Variants in RIT2 observed in about 807,000 individuals in gnomAD.
The protein encoded by RIT2 is Ras like without CAAX 2.
Under a neutral mutation model 23.7 loss-of-function variants are expected in RIT2, and 24 were observed. The ratio of observed to expected loss-of-function variants is 1.01; its 90% CI spans 0.73 to 1.43. The LOEUF is 1.43. Ranked by LOEUF, RIT2 falls within the 40% of genes most tolerant of loss-of-function variation. The pLI, the probability that RIT2 is intolerant of heterozygous loss-of-function variation, is 0.00. For missense variants in RIT2, 236 were observed against 266.9 expected, an observed-to-expected ratio of 0.88 and a Z score of 0.81; for synonymous variants, 107 against 91.1, an observed-to-expected ratio of 1.17 and a Z score of -0.99.
chr18:43,111,689 A>G (rs1019182580), intron 1 of RIT2, among the ~76,000 whole-genome samples: 2 of 152,150 alleles, frequency 1.3e-5, no homozygotes, highest in Non-Finnish European at 2.9e-5. Flanking sequence ...TTAGATCTCT[A>G]TACTTGTTCC....
chr18:43,033,642 G>A (rs1266308175), intron 2 of RIT2, among the ~76,000 whole-genome samples, 169 bp downstream of exon 2: 1 of 152,086 alleles, frequency 6.6e-6, no homozygotes, highest in African/African-American at 2.4e-5. Flanking sequence ...GACAAATACT[G>A]TCTCTTGAAG....
At chr18:42,816,140 C>CA (rs397858218) in intron 4 of RIT2, among the ~76,000 whole-genome samples, 6,562 of 133,726 alleles carry the variant, frequency 0.049, 204 homozygotes, top group Non-Finnish European at 0.064. Flanking sequence ...GATCTCCAAG[C>CA]AAAAAAAAAA....
chr18:42,895,482 T>C (rs1383545818), intron 4 of RIT2, among the ~76,000 whole-genome samples: 2 of 152,216 alleles, frequency 1.3e-5, no homozygotes, highest in East Asian at 3.9e-4. Context: ...TACTTCCTGT[T>C]CTATCGATCT....
chr18:42,877,611 T>C (rs967564980), intron 4 of RIT2, among the ~76,000 whole-genome samples: 4 of 151,130 alleles, frequency 2.6e-5, no homozygotes, highest in African/African-American at 9.7e-5. Flanking sequence ...CACACACATA[T>C]GCATAGATAA....
At chr18:42,752,936 A>G (rs1261859254) in intron 4 of RIT2, among the ~76,000 whole-genome samples, 4 of 152,216 alleles carry the variant, frequency 2.6e-5, no homozygotes, top group Non-Finnish European at 5.9e-5. Flanking sequence ...AATGTTTCAT[A>G]CAAGTAATAG....
At chr18:42,976,777 G>A (rs1044014821) in intron 2 of RIT2, among the ~76,000 whole-genome samples, 1 of 152,034 alleles carries the variant, frequency 6.6e-6, no homozygotes, top group Admixed American at 6.6e-5. Flanking sequence ...GCTGAAATGT[G>A]GTGAGTGAAT....
chr18:43,115,021 G>T (rs1914035533), intron 1 of RIT2, among the ~76,000 whole-genome samples: 1 of 152,130 alleles, frequency 6.6e-6, no homozygotes, highest in Non-Finnish European at 1.5e-5. Flanking sequence ...GTCTGTGTTT[G>T]TAACTGTGTT....
chr18:43,035,473 T>C (rs924612231), intron 1 of RIT2, among the ~76,000 whole-genome samples: 2 of 152,190 alleles, frequency 1.3e-5, no homozygotes, highest in African/African-American at 2.4e-5. Flanking sequence ...TGACTGAAGT[T>C]AGTTCCTGAA....
chr18:42,989,265 C>G (rs1348129775), intron 2 of RIT2, among the ~76,000 whole-genome samples: 1 of 152,124 alleles, frequency 6.6e-6, no homozygotes, highest in Non-Finnish European at 1.5e-5. Context: ...TACAAATCTC[C>G]TGAGGATCTG....
At chr18:42,920,687 C>T in intron 4 of RIT2, 2 of 1,569,346 alleles carry the variant, frequency 1.3e-6, no homozygotes, top group Non-Finnish European at 1.7e-6. Context: ...ATACAGGCAC[C>T]TATTCTTACC....
intron 4 of RIT2, among the ~76,000 whole-genome samples, chr18:42,831,616 G>A (rs146732558): frequency 6.6e-6 from 1 of 152,078 alleles, no homozygotes; most frequent in African/African-American, 2.4e-5. Flanking sequence ...GAAATGTGAC[G>A]GAGGGTCTAG....
chr18:43,047,343 A>G (rs564508903), intron 1 of RIT2, among the ~76,000 whole-genome samples: 2 of 152,064 alleles, frequency 1.3e-5, no homozygotes, highest in Admixed American at 6.6e-5. Flanking sequence ...CCACTTCACC[A>G]TTATCTTACC....
At chr18:42,916,227 T>C (rs1908906359) in intron 4 of RIT2, among the ~76,000 whole-genome samples, 1 of 152,122 alleles carries the variant, frequency 6.6e-6, no homozygotes, top group South Asian at 2.1e-4. Flanking sequence ...CTGTCTCTTT[T>C]GGTTTGGGGA....
chr18:42,816,077 G>A (rs1456453419), intron 4 of RIT2, among the ~76,000 whole-genome samples: 1 of 151,764 alleles, frequency 6.6e-6, no homozygotes, highest in African/African-American at 2.4e-5. Flanking sequence ...TACGTCCTTT[G>A]GAAATAACAA....
intron 4 of RIT2, among the ~76,000 whole-genome samples, chr18:42,805,565 T>G (rs555360200): frequency 2.0e-5 from 3 of 152,304 alleles, no homozygotes; most frequent in South Asian, 4.2e-4. Flanking sequence ...TAGATTGCAT[T>G]TCAAATGAAT....
At chr18:42,778,135 T>C (rs1251719842) in intron 4 of RIT2, among the ~76,000 whole-genome samples, 3 of 120,230 alleles carry the variant, frequency 2.5e-5, no homozygotes, top group Non-Finnish European at 5.6e-5. Context: ...AGAGTAGGAC[T>C]GATCTACACA....
chr18:42,888,489 T>A (rs1191107394), intron 4 of RIT2, among the ~76,000 whole-genome samples: 1 of 151,994 alleles, frequency 6.6e-6, no homozygotes, highest in East Asian at 1.9e-4. Flanking sequence ...GTATAAGCAT[T>A]CCCTTTTCGC....
intron 4 of RIT2, among the ~76,000 whole-genome samples, chr18:42,837,554 G>T (rs1402944404): frequency 2.0e-5 from 3 of 152,026 alleles, no homozygotes; most frequent in Admixed American, 1.3e-4. Context: ...CCTGTTTAGG[G>T]AACTACTTTG....
At chr18:42,973,179 T>C (rs910165952) in intron 3 of RIT2, among the ~76,000 whole-genome samples, 4 of 151,778 alleles carry the variant, frequency 2.6e-5, no homozygotes, top group African/African-American at 9.7e-5. Context: ...TATAGGGTTG[T>C]TTTATTCTTT....
Sources: gnomAD v4.1 joint callset for allele counts (sites outside exome capture counted in the v4.1 genomes callset) on GRCh38, gnomAD v4.1.1 for gene constraint, MANE v1.5 for transcripts, NCBI Gene and HGNC (gene_info 2026-07-23, HGNC 2026-07-21) for gene names.